Variants in ENTREP2 observed in about 807,000 individuals in gnomAD.
ENTREP2 encodes the protein endosomal transmembrane epsin interactor 2.
the ENTREP2 span, among the ~76,000 whole-genome samples, chr15:29,145,622 C>CAAAAAA: frequency 1.8e-3 from 107 of 57,984 alleles, 1 homozygote; most frequent in Middle Eastern, 0.014. Flanking sequence ...GACTCCATCT[C>CAAAAAA]AAAAAAAAAA....
At chr15:29,476,357 T>C in the ENTREP2 span, among the ~76,000 whole-genome samples, 1 of 152,208 alleles carries the variant, frequency 6.6e-6, no homozygotes, top group Non-Finnish European at 1.5e-5. Context: ...TCTATTGGAC[T>C]CACTGGGAAG....
At chr15:29,618,015 CCT>C in the ENTREP2 span, among the ~76,000 whole-genome samples, 2 of 152,238 alleles carry the variant, frequency 1.3e-5, no homozygotes, top group Admixed American at 1.3e-4. Context: ...TCCACTCCCA[CCT>C]CTGTTTCTGT....
chr15:29,279,409 G>A, the ENTREP2 span, among the ~76,000 whole-genome samples: 4 of 151,648 alleles, frequency 2.6e-5, no homozygotes, highest in South Asian at 8.3e-4. Context: ...TGTGTCACCA[G>A]GCTGGTGTGC....
At chr15:29,583,660 T>A in the ENTREP2 span, among the ~76,000 whole-genome samples, 1 of 152,154 alleles carries the variant, frequency 6.6e-6, no homozygotes, top group Admixed American at 6.5e-5. Context: ...TAATAATAAT[T>A]TTTTTAAAAA....
the ENTREP2 span, among the ~76,000 whole-genome samples, chr15:29,510,724 G>A: frequency 1.4e-4 from 21 of 151,142 alleles, no homozygotes; most frequent in Middle Eastern, 3.5e-3. Context: ...GGAGAATGGC[G>A]TGAACCCGGG....
the ENTREP2 span, among the ~76,000 whole-genome samples, chr15:29,529,475 G>T: frequency 4.6e-5 from 7 of 151,918 alleles, no homozygotes; most frequent in African/African-American, 1.5e-4. Context: ...TGGCTCTGAG[G>T]TGTTTAGGGC....
At chr15:29,223,848 C>T in the ENTREP2 span, among the ~76,000 whole-genome samples, 3 of 152,190 alleles carry the variant, frequency 2.0e-5, no homozygotes, top group Non-Finnish European at 4.4e-5. Context: ...GAAAAGCAGG[C>T]ACTCTCTGGA....
chr15:29,172,131 C>T, the ENTREP2 span, among the ~76,000 whole-genome samples: 1 of 152,136 alleles, frequency 6.6e-6, no homozygotes, highest in African/African-American at 2.4e-5. Context: ...TTTGAGCCTG[C>T]TTGAAAGAAA....
chr15:29,144,598 C>T, the ENTREP2 span, among the ~76,000 whole-genome samples: 1 of 152,060 alleles, frequency 6.6e-6, no homozygotes, highest in Non-Finnish European at 1.5e-5. Context: ...GGCATGGTGA[C>T]GTGTGCCTGT....
At chr15:29,621,992 T>C in the ENTREP2 span, among the ~76,000 whole-genome samples, 1 of 152,104 alleles carries the variant, frequency 6.6e-6, no homozygotes, top group Non-Finnish European at 1.5e-5. Flanking sequence ...TTATTCCACT[T>C]ATATGAGGTG....
chr15:29,279,533 T>C, the ENTREP2 span, among the ~76,000 whole-genome samples: 4 of 151,954 alleles, frequency 2.6e-5, no homozygotes, highest in African/African-American at 9.7e-5. Flanking sequence ...CTCAGCTAAT[T>C]TTTGTATTTT....
chr15:29,421,274 A>G, the ENTREP2 span, among the ~76,000 whole-genome samples: 2 of 152,144 alleles, frequency 1.3e-5, no homozygotes, highest in Non-Finnish European at 2.9e-5. Context: ...GCAGTGAATA[A>G]TATCTGCATA....
the ENTREP2 span, among the ~76,000 whole-genome samples, chr15:29,173,944 C>CAAAAAAAAAA: frequency 2.5e-5 from 2 of 78,690 alleles, no homozygotes; most frequent in African/African-American, 3.8e-5. Context: ...TCTGGATAGC[C>CAAAAAAAAAA]AAAAAAAAAA....
At chr15:29,258,832 T>C in the ENTREP2 span, among the ~76,000 whole-genome samples, 3 of 152,214 alleles carry the variant, frequency 2.0e-5, no homozygotes, top group African/African-American at 4.8e-5. Context: ...CGGGAAATCA[T>C]ACAGTACTCT....
chr15:29,577,349 T>TGTGTGTGTGTGAGA, the ENTREP2 span, among the ~76,000 whole-genome samples: 38 of 144,454 alleles, frequency 2.6e-4, no homozygotes, highest in African/African-American at 9.2e-4. Flanking sequence ...TGTGTGTGTG[T>TGTGTGTGTGTGAGA]GAGAGAGAGA....
chr15:29,560,450 T>C, the ENTREP2 span, among the ~76,000 whole-genome samples: 2 of 152,094 alleles, frequency 1.3e-5, no homozygotes, highest in African/African-American at 4.8e-5. Context: ...GGCCCAGGAA[T>C]GTCCTCCTGC....
chr15:29,586,755 AT>A, the ENTREP2 span, among the ~76,000 whole-genome samples: 1,400 of 149,374 alleles, frequency 9.4e-3, 19 homozygotes, highest in African/African-American at 0.028. Context: ...TCTCAAAAAA[AT>A]AAAAAAGAAG....
the ENTREP2 span, among the ~76,000 whole-genome samples, chr15:29,478,020 T>TATATATATATATATATATA: frequency 2.6e-5 from 1 of 37,840 alleles, no homozygotes; most frequent in African/African-American, 1.8e-4. Context: ...TATATATATA[T>TATATATATATATATATATA]TTTTTTTTTT....
the ENTREP2 span, among the ~76,000 whole-genome samples, chr15:29,522,537 T>C: frequency 6.6e-6 from 1 of 152,132 alleles, no homozygotes; most frequent in Non-Finnish European, 1.5e-5. Context: ...TGATGAGTGC[T>C]TCCTCAAGAA....
Sources: allele counts gnomAD v4.1 joint callset (sites outside exome capture counted in the v4.1 genomes callset), GRCh38; gene constraint gnomAD v4.1.1; transcripts MANE v1.5; gene names NCBI Gene and HGNC (gene_info 2026-07-23, HGNC 2026-07-21).